Variants in TEAD4 observed in about 807,000 individuals in gnomAD.
The protein encoded by TEAD4 is TEA domain transcription factor 4.
In TEAD4, 36 loss-of-function variants were observed where a neutral mutation model predicts 52.4. The observed-to-expected ratio is 0.69, with a 90% CI of 0.53 to 0.91. The LOEUF is 0.91. Among genes scored for constraint, TEAD4 ranks in the 40% least tolerant of loss-of-function variants. TEAD4 has a pLI of 0.00. For synonymous variants in TEAD4, 220 were observed against 231.0 expected, an observed-to-expected ratio of 0.95 and a Z score of 0.43; for missense variants, 508 against 583.9, an observed-to-expected ratio of 0.87 and a Z score of 1.34.
chr12:3,023,212 G>A (rs1447217240), intron 10 of TEAD4, among the ~76,000 whole-genome samples: 1 of 152,146 alleles, frequency 6.6e-6, no homozygotes. Context: ...ACATCTATTG[G>A]CAGAGATGGG....
chr12:2,982,661 C>T (rs910936949), intron 2 of TEAD4, among the ~76,000 whole-genome samples: 4 of 152,190 alleles, frequency 2.6e-5, no homozygotes, highest in Non-Finnish European at 4.4e-5. Flanking sequence ...TCGCCAGTGA[C>T]GGCTGTGAAC....
intron 10 of TEAD4, among the ~76,000 whole-genome samples, chr12:3,030,333 G>A (rs952880844): frequency 6.6e-6 from 1 of 152,126 alleles, no homozygotes; most frequent in South Asian, 2.1e-4. Flanking sequence ...CACCATACCC[G>A]GCTGACCCTT....
intron 2 of TEAD4, among the ~76,000 whole-genome samples, chr12:2,962,617 G>A (rs1038598711): frequency 2.6e-5 from 4 of 151,962 alleles, no homozygotes; most frequent in African/African-American, 9.7e-5. Context: ...TTATAGGCAT[G>A]AGCCACCACT....
chr12:2,967,408 T>C (rs2098221346), intron 2 of TEAD4, among the ~76,000 whole-genome samples: 1 of 152,096 alleles, frequency 6.6e-6, no homozygotes, highest in African/African-American at 2.4e-5. Flanking sequence ...TTGCATTCTA[T>C]GACTATACTA....
At position 3,022,029 on chromosome 12, in the gene TEAD4, A is replaced by G. The variant is rs751788273; in HGVS notation, c.897+12A>G. The G allele has an allele frequency of 1.2e-6, 2 of 1,613,544 alleles. No individual in the cohort carries two copies. The highest frequency in any genetic ancestry group is 4.5e-5 in the East Asian group (2 of 44,874). ...TTGTGAAGTTCTGGGTAAGCCTGTGATAACCCCTTCTTTCCTGCCACCAGC... is the reference window on the plus strand; with the variant it reads ...TTGTGAAGTTCTGGGTAAGCCTGTGGTAACCCCTTCTTTCCTGCCACCAGC... On this transcript the variant is annotated intron_variant, in intron 10 of 12. Transcript: ENST00000359864.
In TEAD4 at chr12:3,020,910, T is replaced by C. The variant is rs938750651; in HGVS notation, c.723+137T>C. ...CCTTTCCGATCTTCCCTTCTGCCCT[T>C]CCCCCCACTCCTCCTTTCCTCCTTC... On this transcript the variant is annotated intron_variant, in intron 9 of 12. Coordinates refer to ENST00000359864, the MANE Select transcript of TEAD4 (RefSeq NM_003213.4). 28 of 911,074 alleles carry C rather than the reference T, an allele frequency of 3.1e-5. No homozygotes were observed. The African/African-American group carries it at 4.2e-4, about 14-fold the overall frequency. The allele number at this position is 911,074 out of a possible 1,614,324, so 56.4% of individuals were successfully genotyped here.
At chr12:2,985,253 C>T (rs916762853) in intron 2 of TEAD4, among the ~76,000 whole-genome samples, 2 of 151,746 alleles carry the variant, frequency 1.3e-5, no homozygotes, top group African/African-American at 4.8e-5. Flanking sequence ...GTCGTGGTGG[C>T]AGGCACCTGT....
intron 3 of TEAD4, among the ~76,000 whole-genome samples, chr12:2,997,800 T>C (rs2098248388): frequency 8.0e-6 from 1 of 125,514 alleles, no homozygotes; most frequent in African/African-American, 3.7e-5. Flanking sequence ...GAGGACTTGC[T>C]TTTTCGGGGG....
chr12:3,022,266 G>T (rs936266152), intron 10 of TEAD4, among the ~76,000 whole-genome samples: 1 of 152,206 alleles, frequency 6.6e-6, no homozygotes, highest in Non-Finnish European at 1.5e-5. Context: ...CAGCTAAGCC[G>T]GGCTAACAGT....
intron 2 of TEAD4, among the ~76,000 whole-genome samples, chr12:2,974,171 T>G (rs2098227528): frequency 6.6e-6 from 1 of 152,044 alleles, no homozygotes; most frequent in Non-Finnish European, 1.5e-5. Flanking sequence ...CTGGCTAATT[T>G]TTGTATTTTT....
At chr12:3,039,493 A>G (rs1416513159) in intron 11 of TEAD4, among the ~76,000 whole-genome samples, 1 of 151,926 alleles carries the variant, frequency 6.6e-6, no homozygotes, top group Non-Finnish European at 1.5e-5. Flanking sequence ...TAGACAGGGA[A>G]ATTTGCATGA....
At chr12:2,981,814 G>A (rs1226067478) in intron 2 of TEAD4, among the ~76,000 whole-genome samples, 1 of 152,138 alleles carries the variant, frequency 6.6e-6, no homozygotes, top group Non-Finnish European at 1.5e-5. Flanking sequence ...CTGGAAGAAG[G>A]CTGGGGTCTG....
At chr12:2,983,030 C>T (rs1293486336) in intron 2 of TEAD4, among the ~76,000 whole-genome samples, 1 of 152,120 alleles carries the variant, frequency 6.6e-6, no homozygotes, top group African/African-American at 2.4e-5. Context: ...AGGTGGCGGC[C>T]CTCCTTTCCG....
intron 10 of TEAD4, among the ~76,000 whole-genome samples, chr12:3,028,353 C>G (rs1031945129): frequency 1.3e-5 from 2 of 152,192 alleles, no homozygotes; most frequent in African/African-American, 4.8e-5. Flanking sequence ...TGGCAACTCT[C>G]TTTCACTTTC....
At chr12:3,004,088 C>T (rs1018420401) in intron 3 of TEAD4, among the ~76,000 whole-genome samples, 1 of 152,242 alleles carries the variant, frequency 6.6e-6, no homozygotes, top group Non-Finnish European at 1.5e-5. Flanking sequence ...GATACGCTGG[C>T]TCCCACCAGC....
intron 11 of TEAD4, among the ~76,000 whole-genome samples, chr12:3,039,731 AGGCT>A (rs1171896054): frequency 6.6e-6 from 1 of 152,234 alleles, no homozygotes; most frequent in African/African-American, 2.4e-5. Flanking sequence ...TCTGTCGCCC[AGGCT>A]GGAATGCAGT....
chr12:3,031,823 G>A (rs74054838), intron 10 of TEAD4, among the ~76,000 whole-genome samples: 4,719 of 152,284 alleles, frequency 0.031, 97 homozygotes, highest in African/African-American at 0.044. Context: ...CAGACCACGG[G>A]TCCATACCTG....
At chr12:2,990,896 G>C (rs28588262) in intron 2 of TEAD4, among the ~76,000 whole-genome samples, 1 of 152,126 alleles carries the variant, frequency 6.6e-6, no homozygotes, top group Non-Finnish European at 1.5e-5. Flanking sequence ...TCATCTCTGA[G>C]CAACCATTAA....
In TEAD4 at chr12:2,971,752, G is replaced by A. The variant is rs528768649; in HGVS notation, c.-30+11712G>A. Among the ~76,000 whole-genome samples, 19 of 151,366 alleles carry A rather than the reference G, an allele frequency of 1.3e-4. No homozygotes were observed. In the South Asian group the frequency reaches 4.0e-3, roughly 32 times the overall value. On this transcript the variant is annotated intron_variant, in intron 2 of 12. Coordinates refer to ENST00000359864, the MANE Select transcript of TEAD4 (RefSeq NM_003213.4). ...GGCCTCCCAAAGTGCTGGGATTACAGGCATGAGCCACCCCGCCTGGCTGTG... is the reference window on the plus strand; with the variant it reads ...GGCCTCCCAAAGTGCTGGGATTACAAGCATGAGCCACCCCGCCTGGCTGTG...
Sources: gnomAD v4.1 joint callset for allele counts (sites outside exome capture counted in the v4.1 genomes callset) on GRCh38, gnomAD v4.1.1 for gene constraint, MANE v1.5 for transcripts, NCBI Gene and HGNC (gene_info 2026-07-23, HGNC 2026-07-21) for gene names.